Variants in BSND observed in about 807,000 individuals in gnomAD.
BSND encodes barttin CLCNK type accessory subunit beta.
In BSND, 13 loss-of-function variants were observed where a neutral mutation model predicts 18.8. The observed-to-expected ratio is 0.69, with a 90% CI of 0.45 to 1.10. The LOEUF is 1.10. BSND is among the 50% of genes least tolerant of loss of function. The pLI is 0.00. For synonymous variants in BSND, 170 were observed against 161.8 expected (o/e 1.05, Z -0.39); for missense variants, 379 against 416.7 (o/e 0.91, Z 0.79).
rs1570278337 is a variant in BSND, at chr1:55,014,982, G to T, written c.*6354G>T. ...AGAAGGAGACTGTCCTGGCTGGAGT[G>T]GTGGAGGACAGGGTCAGAGAGGGAG... On this transcript the variant is annotated 3_prime_UTR_variant, in exon 4 of 4. Transcript: ENST00000651561. Among the ~76,000 whole-genome samples, 1 of 152,294 alleles carries T rather than the reference G, an allele frequency of 6.6e-6. No individual in the cohort carries two copies. The highest frequency in any genetic ancestry group is 3.4e-3 in the Middle Eastern group (1 of 294).
Position 55,008,262 on chromosome 1 carries a change from T to C in BSND, c.597T>C (p.Asp199=), listed in dbSNP as rs200886926. ...CTGCCCCCTTGGCTTCCTTCCAAGA[T>C]GACCTGGACATGGACTCCAGTGAAG... ...QGPAPLASFQ[D]DLDMDSSEGS... Residue 199 remains aspartate, a synonymous_variant, in exon 4 of 4, where the codon GAT becomes GAC. Coordinates refer to ENST00000651561, the MANE Select transcript of BSND (RefSeq NM_057176.3). 642 of 1,614,200 alleles carry C rather than the reference T, an allele frequency of 4.0e-4. 8 individuals carry two copies. In the Admixed American group the frequency reaches 0.011, roughly 27 times the overall value.
intron 1 of BSND, among the ~76,000 whole-genome samples, chr1:55,001,298 C>G (rs886291600): frequency 2.6e-5 from 4 of 151,110 alleles, no homozygotes; most frequent in African/African-American, 9.8e-5. Context: ...AGGCATTGTT[C>G]TTAGGATTGA....
chr1:55,005,149 TA>T, intron 2 of BSND, 33 bp downstream of exon 2: 1 of 1,599,484 alleles, frequency 6.3e-7, no homozygotes, highest in South Asian at 1.1e-5. Context: ...AGGGGAGGAG[TA>T]AGCCCCATAG....
In BSND at chr1:55,007,191, C is replaced by A. The variant is rs1644395855; in HGVS notation, c.467C>A (p.Ala156Asp). The A allele has an allele frequency of 3.1e-6, 5 of 1,614,156 alleles. No homozygotes were observed. Among genetic ancestry groups the A allele is most frequent in the South Asian group, 1.1e-5 (1 of 91,080 alleles). ...GAAGGTGGCCCTGGCGACGTTCAGG[C>A]CTGGATGGAGGCTGCCGTGGTCATC... Reference protein sequence around the residue: ...GGEGGPGDVQAWMEAAVVIHK... With the variant: ...GGEGGPGDVQDWMEAAVVIHK... The change falls in exon 3 of 4, where the codon GCC (alanine) becomes GAC (aspartate). Residue 156 changes from alanine (A) to aspartate (D), a missense_variant. Ala to Asp is a moderately radical substitution (Grantham distance 126). Coordinates refer to ENST00000651561, the MANE Select transcript of BSND (RefSeq NM_057176.3).
At chr1:55,008,160 C>A in intron 3 of BSND, 54 bp from the exon 4 acceptor site, 1 of 1,517,028 alleles carries the variant, frequency 6.6e-7, no homozygotes, top group Non-Finnish European at 9.1e-7. Context: ...GGAATGTGGA[C>A]CCAGGCATTC....
Position 54,999,335 on chromosome 1 carries a change from T to C in BSND, c.149T>C (p.Ile50Thr). Residue 50 changes from isoleucine to threonine, a missense_variant, in exon 1 of 4, where the codon ATC becomes ACC. Physicochemically the swap from Ile to Thr is moderately conservative, Grantham distance 89. Transcript: ENST00000651561. ...AGCGTCATGGTGATCGGGGGCATCA[T>C]CTGGAGCATGTGCCAGTGCTACCCC... ...MGSVMVIGGI[I>T]WSMCQCYPKI... is the part of the protein sequence containing the mutation. 1.2e-6 allele frequency: 2 copies of C among 1,612,342 alleles called. No individual in the cohort carries two copies. The highest frequency in any genetic ancestry group is 1.7e-6 in the Non-Finnish European group (2 of 1,178,678).
intron 1 of BSND, among the ~76,000 whole-genome samples, chr1:55,001,551 C>A (rs1158423460): frequency 1.3e-5 from 2 of 152,144 alleles, no homozygotes; most frequent in Non-Finnish European, 2.9e-5. Context: ...CAGCCTCCTC[C>A]CCGTGGCTCT....
intron 1 of BSND, among the ~76,000 whole-genome samples, chr1:55,004,772 C>T (rs1644381233): frequency 6.6e-6 from 1 of 152,206 alleles, no homozygotes; most frequent in South Asian, 2.1e-4. Flanking sequence ...GTGCCTGCGA[C>T]AGTGCCTGCA....
chr1:55,010,056 G>C lies in BSND; in HGVS notation c.*1428G>C, dbSNP rs1245547975. The C allele has an allele frequency of 6.6e-6, 1 of 152,188 alleles. No homozygotes were observed. Among genetic ancestry groups the C allele is most frequent in the African/African-American group, 2.4e-5 (1 of 41,420 alleles). The allele number at this position is 152,188 out of a possible 1,614,324, so 9.4% of individuals were successfully genotyped here. ...ACCCTGCCTCAAAACAAAACAATTG[G>C]AATTGGATGGCATTTAGTGAGCATC... On this transcript the variant is annotated 3_prime_UTR_variant, in exon 4 of 4. Coordinates refer to ENST00000651561, the MANE Select transcript of BSND (RefSeq NM_057176.3).
At chr1:55,000,449 G>A (rs1397982251) in intron 1 of BSND, among the ~76,000 whole-genome samples, 1 of 147,410 alleles carries the variant, frequency 6.8e-6, no homozygotes, top group African/African-American at 2.5e-5. Flanking sequence ...CACTGTGTGA[G>A]TTAGGAGGGG....
chr1:55,005,296 T>C (rs140676294), intron 2 of BSND, among the ~76,000 whole-genome samples, 180 bp downstream of exon 2: 64 of 152,334 alleles, frequency 4.2e-4, no homozygotes, highest in African/African-American at 1.5e-3. Context: ...TTATTCCCAT[T>C]GTACAGATGA....
intron 2 of BSND, among the ~76,000 whole-genome samples, chr1:55,005,616 A>G (rs1387530198): frequency 6.6e-6 from 1 of 152,200 alleles, no homozygotes; most frequent in Non-Finnish European, 1.5e-5. Flanking sequence ...GGGTTAAGTG[A>G]GATAATATAG....
Position 54,999,518 on chromosome 1 carries a change from C to CCCAT in BSND, c.177+194_177+197dup, listed in dbSNP as rs375479641. Among the ~76,000 whole-genome samples, 15,872 of 148,816 alleles carry CCCAT rather than the reference C, an allele frequency of 0.11. 965 individuals carry two copies. Among genetic ancestry groups the CCCAT allele is most frequent in the East Asian group, 0.19 (979 of 5,068 alleles). On this transcript the variant is annotated intron_variant, in intron 1 of 3. Coordinates refer to ENST00000651561, the MANE Select transcript of BSND (RefSeq NM_057176.3). ...TCTCTCTGCTCTCCTGAGCGTCTGT[C>CCCAT]CCATCCATCCATCCATCCATCCATC...
rs761513370 is a variant in BSND, at chr1:55,008,559, G to A, written c.894G>A (p.Gly298=). The A allele has an allele frequency of 1.2e-6, 2 of 1,614,194 alleles. No homozygotes were observed. The highest frequency in any genetic ancestry group is 8.5e-7 in the Non-Finnish European group (1 of 1,180,044). ...PEKEEEDLYY[G]LPDGAGDLLP... ...AGGAAGAGGAAGACCTGTACTATGG[G>A]CTGCCAGATGGAGCCGGGGACCTCC... The change falls in exon 4 of 4, where the codon GGG becomes GGA. Residue 298 remains glycine (G), a synonymous_variant. Transcript: ENST00000651561.
Position 55,005,010 on chromosome 1 carries a change from CT to C in BSND, c.178-9del, listed in dbSNP as rs760527635. Reference sequence around the variant, plus strand: ...GTCAACTGCACAGAGGCTGTCTCTCCTTTGCTTGCAGATCACCTTCGTCCCT... The same window carrying C: ...GTCAACTGCACAGAGGCTGTCTCTCCTTGCTTGCAGATCACCTTCGTCCCT... On this transcript the variant is annotated splice_polypyrimidine_tract_variant and intron_variant, in intron 1 of 3. Transcript: ENST00000651561. 3.1e-6 allele frequency: 5 copies of C among 1,613,858 alleles called. No individual in the cohort carries two copies. In the South Asian group the frequency reaches 5.5e-5, roughly 18 times the overall value.
At position 55,013,541 on chromosome 1, in the gene BSND, G is replaced by T. The variant is rs1644434129; in HGVS notation, c.*4913G>T. Among the ~76,000 whole-genome samples, 1 of 152,160 alleles carries T rather than the reference G, an allele frequency of 6.6e-6. No homozygotes were observed. Among genetic ancestry groups the T allele is most frequent in the Non-Finnish European group, 1.5e-5 (1 of 68,038 alleles). ...CATCCTTGCGGAGAAGAGCTAAATG[G>T]AGGAGAGGAGGTAGAGCTGCAGGGC... On this transcript the variant is annotated 3_prime_UTR_variant, in exon 4 of 4. Transcript: ENST00000651561.
Position 55,014,496 on chromosome 1 carries a change from T to G in BSND, c.*5868T>G, listed in dbSNP as rs1372634889. Among the ~76,000 whole-genome samples, 1 of 152,218 alleles carries G rather than the reference T, an allele frequency of 6.6e-6. No individual in the cohort carries two copies. The highest frequency in any genetic ancestry group is 2.4e-5 in the African/African-American group (1 of 41,454). ...CCTGGTGAGCCCCCAGTAAAGTCAG[T>G]TATCATTGTTAGTGTTGCCTGCAGA... On this transcript the variant is annotated 3_prime_UTR_variant, in exon 4 of 4. Transcript: ENST00000651561.
At chr1:55,001,719 T>C (rs1485370935) in intron 1 of BSND, among the ~76,000 whole-genome samples, 1 of 152,054 alleles carries the variant, frequency 6.6e-6, no homozygotes, top group African/African-American at 2.4e-5. Context: ...GGAGAGGCTA[T>C]TTGCTGCCTG....
intron 2 of BSND, among the ~76,000 whole-genome samples, chr1:55,006,395 C>T (rs934408835): frequency 1.3e-5 from 2 of 152,142 alleles, no homozygotes; most frequent in African/African-American, 2.4e-5. Context: ...TCATAGAGAA[C>T]ATGATATCTG....
Sources: gnomAD v4.1 joint callset for allele counts (sites outside exome capture counted in the v4.1 genomes callset) on GRCh38, gnomAD v4.1.1 for gene constraint, MANE v1.5 for transcripts, NCBI Gene and HGNC (gene_info 2026-07-23, HGNC 2026-07-21) for gene names.